COL22A1: variants seen among roughly 807,000 people sequenced by gnomAD.
COL22A1 encodes the protein collagen type XXII alpha 1 chain, also known as collagen alpha-1(XXII) chain.
COL22A1 carries 221 observed loss-of-function variants against 248.9 expected under a neutral mutation model. The observed-to-expected ratio is 0.89, with a 90% CI of 0.80 to 0.99. COL22A1 has a LOEUF of 0.99. Ranked by LOEUF, COL22A1 falls within the 50% of genes least tolerant of loss-of-function variation. The pLI is 0.00. For missense variants in COL22A1, 2,240 were observed against 2,179.0 expected (o/e 1.03, Z -0.56); for synonymous variants, 891 against 793.4 (o/e 1.12, Z -2.07).
In COL22A1 at chr8:138,679,655, C is replaced by T. The variant is rs958409311; in HGVS notation, c.3034G>A (p.Gly1012Arg). The change falls in exon 40 of 65, where the codon GGG (glycine) becomes AGG (arginine). Residue 1012 changes from glycine to arginine, a missense_variant. Gly to Arg is a moderately radical substitution (Grantham distance 125). Transcript: ENST00000303045. ...GTKAACGKVR[G>R]SENCALGGQC... is the part of the protein sequence containing the mutation. ...CCTCCCAGTGCACAGTTTTCTGACC[C>T]TCTGACTTTTCCGCAAGCAGCCTGA... 1 of 1,614,144 alleles carries T rather than the reference C, an allele frequency of 6.2e-7. No homozygotes were observed. Among genetic ancestry groups the T allele is most frequent in the Non-Finnish European group, 8.5e-7 (1 of 1,180,004 alleles).
rs909414361 is a variant in COL22A1 at position 138,641,523 on chromosome 8, G to A, written c.3502-4728C>T. 7.2e-5 allele frequency among the ~76,000 whole-genome samples: 11 copies of A among 152,150 alleles called. No homozygotes were observed. The East Asian group carries it at 1.5e-3, about 21-fold the overall frequency. On this transcript the variant is annotated intron_variant, in intron 47 of 64. Transcript: ENST00000303045. ...CTTGTTGCTTCTTCCTCCTTTACAC[G>A]GATCATAACCACAACTGCAGCAACG...
chr8:138,645,210 G>A (rs1449641433), intron 47 of COL22A1, among the ~76,000 whole-genome samples: 9 of 152,110 alleles, frequency 5.9e-5, no homozygotes, highest in Non-Finnish European at 1.0e-4. Context: ...TGTGACGTAC[G>A]AACAAACATG....
chr8:138,664,194 T>TGG (rs1554738435), intron 41 of COL22A1, among the ~76,000 whole-genome samples: 46 of 85,374 alleles, frequency 5.4e-4, no homozygotes, highest in African/African-American at 1.8e-3. Flanking sequence ...CAACAAGGGG[T>TGG]GCGCGCGCGC....
chr8:138,857,511 A>T (rs542917589), intron 3 of COL22A1, among the ~76,000 whole-genome samples: 4 of 152,116 alleles, frequency 2.6e-5, no homozygotes, highest in African/African-American at 9.6e-5. Flanking sequence ...GCTCGGAGGG[A>T]ATCGGCTGAC....
chr8:138,830,558 G>A (rs1157069819), intron 5 of COL22A1, among the ~76,000 whole-genome samples: 1 of 152,176 alleles, frequency 6.6e-6, no homozygotes, highest in Non-Finnish European at 1.5e-5. Flanking sequence ...CCTCCTCAGA[G>A]CAACTCTCAG....
At chr8:138,674,345 C>T (rs1354284296) in intron 41 of COL22A1, among the ~76,000 whole-genome samples, 3 of 152,114 alleles carry the variant, frequency 2.0e-5, no homozygotes, top group Non-Finnish European at 4.4e-5. Flanking sequence ...ACGCTGACCC[C>T]TTCTTCACCT....
At chr8:138,764,192 A>T (rs971995652) in intron 16 of COL22A1, among the ~76,000 whole-genome samples, 1 of 152,152 alleles carries the variant, frequency 6.6e-6, no homozygotes, top group South Asian at 2.1e-4. Context: ...CCTGCCCACC[A>T]GTGGACAATG....
At chr8:138,633,911 C>A (rs1443714765) in intron 49 of COL22A1, among the ~76,000 whole-genome samples, 1 of 152,264 alleles carries the variant, frequency 6.6e-6, no homozygotes, top group Non-Finnish European at 1.5e-5. Flanking sequence ...AGATGTGAGG[C>A]TGAGAAATTA....
intron 31 of COL22A1, among the ~76,000 whole-genome samples, chr8:138,701,269 T>A (rs1003184873): frequency 6.6e-6 from 1 of 152,210 alleles, no homozygotes; most frequent in African/African-American, 2.4e-5. Flanking sequence ...TGTAGCTATA[T>A]CTTTGCCACT....
chr8:138,851,856 C>T (rs1821666846), intron 3 of COL22A1, among the ~76,000 whole-genome samples: 1 of 152,120 alleles, frequency 6.6e-6, no homozygotes, highest in Non-Finnish European at 1.5e-5. Flanking sequence ...ATCTGCCATC[C>T]AGTGAGAAAG....
At chr8:138,691,192 G>T (rs1449249957) in intron 35 of COL22A1, among the ~76,000 whole-genome samples, 2 of 152,238 alleles carry the variant, frequency 1.3e-5, no homozygotes, top group African/African-American at 4.8e-5. Context: ...AACCACAGAA[G>T]AGGATTTCAG....
chr8:138,780,039 G>A (rs551492111), intron 13 of COL22A1, among the ~76,000 whole-genome samples: 4 of 152,188 alleles, frequency 2.6e-5, no homozygotes, highest in Non-Finnish European at 4.4e-5. Context: ...TGGGATTATA[G>A]TTGTGAGCCA....
intron 56 of COL22A1, among the ~76,000 whole-genome samples, chr8:138,609,104 C>T (rs1013783897): frequency 3.3e-5 from 5 of 152,258 alleles, no homozygotes; most frequent in African/African-American, 1.2e-4. Context: ...TATAAAGTAG[C>T]TGATGCTGAC....
chr8:138,732,023 A>C (rs1400949302), intron 23 of COL22A1, among the ~76,000 whole-genome samples: 1 of 152,232 alleles, frequency 6.6e-6, no homozygotes, highest in Non-Finnish European at 1.5e-5. Flanking sequence ...CAATGAAACC[A>C]GAAGACTAAT....
chr8:138,796,389 C>CTTTTGTTTTTTTTTTTTTTTT (rs1816529653), intron 12 of COL22A1, among the ~76,000 whole-genome samples: 1 of 26,308 alleles, frequency 3.8e-5, no homozygotes, highest in African/African-American at 1.3e-4. Context: ...TGCTACTTTC[C>CTTTTGTTTTTTTTTTTTTTTT]TTTTTTTTTT....
intron 18 of COL22A1, among the ~76,000 whole-genome samples, chr8:138,758,721 T>C (rs1833223577): frequency 6.6e-6 from 1 of 152,238 alleles, no homozygotes; most frequent in Non-Finnish European, 1.5e-5. Context: ...AGGCATCATA[T>C]CACCTGAGCT....
intron 45 of COL22A1, among the ~76,000 whole-genome samples, chr8:138,650,597 C>T (rs1451417238): frequency 6.6e-6 from 1 of 152,130 alleles, no homozygotes; most frequent in Non-Finnish European, 1.5e-5. Context: ...CTCTCATCCA[C>T]CCTGCCTCTC....
intron 49 of COL22A1, 84 bp from the exon 50 acceptor site, chr8:138,630,832 T>A: frequency 8.5e-7 from 1 of 1,169,848 alleles, no homozygotes; most frequent in Non-Finnish European, 1.3e-6. Context: ...ACAAAGCAAT[T>A]GATATGGTTG....
intron 23 of COL22A1, among the ~76,000 whole-genome samples, chr8:138,730,232 T>C: frequency 6.6e-6 from 1 of 152,126 alleles, no homozygotes; most frequent in East Asian, 1.9e-4. Flanking sequence ...GAAGAGGGTG[T>C]CAACAGGTGA....
Sources: allele counts gnomAD v4.1 joint callset (sites outside exome capture counted in the v4.1 genomes callset), GRCh38; gene constraint gnomAD v4.1.1; transcripts MANE v1.5; gene names NCBI Gene and HGNC (gene_info 2026-07-23, HGNC 2026-07-21).